LUC7L: variants seen among roughly 807,000 people sequenced by gnomAD.
LUC7L encodes putative RNA-binding protein Luc7-like 1.
Under a neutral mutation model 51.1 loss-of-function variants are expected in LUC7L, and 29 were observed. That is an observed-to-expected ratio of 0.57 (90% CI 0.42 to 0.77). The LOEUF is 0.77. LUC7L is among the 30% of genes least tolerant of loss of function. The probability of loss-of-function intolerance (pLI) is 0.00; values close to 1 mark genes in which losing one functional copy is unlikely to be tolerated. For synonymous variants in LUC7L, 181 were observed against 180.7 expected (o/e 1.00, Z -0.01); for missense variants, 403 against 511.9 (o/e 0.79, Z 2.05).
intron 3 of LUC7L, among the ~76,000 whole-genome samples, chr16:211,491 C>T (rs1330840896): frequency 6.6e-6 from 1 of 152,118 alleles, no homozygotes; most frequent in African/African-American, 2.4e-5. Context: ...GTAAACTTCA[C>T]AACAGAGAAC....
chr16:189,188 G>A lies in LUC7L; in HGVS notation c.*10C>T, dbSNP rs915219211. 5 of 1,610,782 alleles carry A rather than the reference G, an allele frequency of 3.1e-6. No individual in the cohort carries two copies. Among genetic ancestry groups the A allele is most frequent in the South Asian group, 2.2e-5 (2 of 90,730 alleles). On this transcript the variant is annotated 3_prime_UTR_variant, in exon 10 of 10. Coordinates refer to ENST00000293872, the MANE Select transcript of LUC7L (RefSeq NM_201412.3). ...TTTATCAGACTATTTACAGCACCCG[G>A]GAGACGGGTTCAGATCTCGCCGGCC...
chr16:201,388 A>G (rs1345799600), intron 5 of LUC7L, among the ~76,000 whole-genome samples: 1 of 152,046 alleles, frequency 6.6e-6, no homozygotes, highest in East Asian at 1.9e-4. Context: ...GATTATGTTG[A>G]GTAAAAAAAG....
chr16:208,592 T>C, intron 3 of LUC7L: 2 of 1,019,680 alleles, frequency 2.0e-6, no homozygotes, highest in Admixed American at 6.1e-5. Flanking sequence ...ATGCATATGA[T>C]GTACTCACTG....
chr16:207,835 C>T (rs987851844), intron 4 of LUC7L, among the ~76,000 whole-genome samples: 1 of 152,142 alleles, frequency 6.6e-6, no homozygotes, highest in African/African-American at 2.4e-5. Flanking sequence ...CGGTGAAACC[C>T]CGTCTCTACT....
chr16:215,023 G>T (rs1028406333), intron 3 of LUC7L, among the ~76,000 whole-genome samples: 1 of 152,142 alleles, frequency 6.6e-6, no homozygotes, highest in Non-Finnish European at 1.5e-5. Context: ...TGAGCTATGA[G>T]CACGCCACTG....
intron 2 of LUC7L, among the ~76,000 whole-genome samples, chr16:224,212 G>C (rs2050058251): frequency 6.6e-6 from 1 of 152,100 alleles, no homozygotes; most frequent in Non-Finnish European, 1.5e-5. Flanking sequence ...TGTCAAGAAA[G>C]ATATGACATT....
intron 1 of LUC7L, chr16:227,749 T>C: frequency 9.9e-7 from 1 of 1,008,898 alleles, no homozygotes; most frequent in Non-Finnish European, 1.2e-6. Context: ...TCTAATCTTT[T>C]TGTTATGAAC....
At chr16:229,115 C>T (rs953041614) in intron 1 of LUC7L, 164 bp downstream of exon 1, 4 of 1,402,588 alleles carry the variant, frequency 2.9e-6, no homozygotes, top group East Asian at 5.7e-5. Flanking sequence ...AGAGACGCAC[C>T]GGCTTAGACA....
At chr16:201,721 G>A (rs1344661418) in intron 5 of LUC7L, among the ~76,000 whole-genome samples, 2 of 145,844 alleles carry the variant, frequency 1.4e-5, no homozygotes, top group Non-Finnish European at 3.0e-5. Flanking sequence ...TTACAGGCGT[G>A]AGCCACCGCA....
In LUC7L at chr16:201,502, C is replaced by T. The variant is rs952265048; in HGVS notation, c.511-2264G>A. Among the ~76,000 whole-genome samples the T allele has an allele frequency of 4.0e-5, 6 of 151,510 alleles. No homozygotes were observed. In the East Asian group the frequency reaches 5.9e-4, roughly 15 times the overall value. Reference sequence around the variant, plus strand: ...TCGCCCAGCCTGGAATGCAGTGGCACGATCTCAGCTCACTACAAGCTCTGC... The same window carrying T: ...TCGCCCAGCCTGGAATGCAGTGGCATGATCTCAGCTCACTACAAGCTCTGC... On this transcript the variant is annotated intron_variant, in intron 5 of 9. Transcript: ENST00000293872.
chr16:189,887 G>T, intron 9 of LUC7L, 81 bp downstream of exon 9: 1 of 1,543,238 alleles, frequency 6.5e-7, no homozygotes, highest in South Asian at 1.2e-5. Context: ...ATCCCCACCA[G>T]ACACGGCCCT....
At position 192,998 on chromosome 16, in the gene LUC7L, C is replaced by T. The variant is rs2049050526; in HGVS notation, c.705G>A (p.Lys235=). 1.9e-6 allele frequency: 3 copies of T among 1,613,116 alleles called. No homozygotes were observed. Among genetic ancestry groups the T allele is most frequent in the South Asian group, 2.2e-5 (2 of 91,084 alleles). ...LDQLRKTVAE[K]QEKRNQDRLR... is the part of the protein sequence containing the mutation. ...AGCGATCCTGATTTCTCTTCTCCTG[C>T]TTTTCAGCGACAGTTTTCTAAATAA... The change falls in exon 7 of 10, where the codon AAG becomes AAA. Residue 235 remains lysine, a synonymous_variant. Transcript: ENST00000293872.
At chr16:220,270 C>T (rs78874471) in intron 3 of LUC7L, 1 of 157,980 alleles carries the variant, frequency 6.3e-6, no homozygotes, top group Non-Finnish European at 1.4e-5. Flanking sequence ...ATTCAAGCAG[C>T]AATGAAAACT....
chr16:226,924 T>C (rs999522831), intron 2 of LUC7L, among the ~76,000 whole-genome samples: 3 of 152,044 alleles, frequency 2.0e-5, no homozygotes, highest in Non-Finnish European at 2.9e-5. Context: ...GAGTGGAGGA[T>C]TGAGAAAGGA....
At chr16:203,680 C>T (rs541955338) in intron 5 of LUC7L, among the ~76,000 whole-genome samples, 1 of 145,072 alleles carries the variant, frequency 6.9e-6, no homozygotes, top group South Asian at 2.2e-4. Flanking sequence ...TGCACTCCAG[C>T]CTGGGTGAGA....
intron 3 of LUC7L, among the ~76,000 whole-genome samples, chr16:215,819 G>T (rs999989425): frequency 6.6e-6 from 1 of 151,674 alleles, no homozygotes; most frequent in Non-Finnish European, 1.5e-5. Flanking sequence ...AAAAAACATC[G>T]ACAGTGTCTT....
At chr16:228,817 C>T (rs2142131554) in intron 1 of LUC7L, 1 of 1,292,074 alleles carries the variant, frequency 7.7e-7, no homozygotes, top group South Asian at 1.2e-5. Flanking sequence ...TACGGTTCCC[C>T]TTGCAATGGT....
At chr16:199,271 G>A (rs117910937) in intron 5 of LUC7L, 33 bp from the exon 6 acceptor site, 31,206 of 1,492,354 alleles carry the variant, frequency 0.021, 402 homozygotes, top group Non-Finnish European at 0.025. Flanking sequence ...TAAAAGTGAG[G>A]TATATAGAAC....
intron 2 of LUC7L, among the ~76,000 whole-genome samples, chr16:226,473 C>G (rs1310928927): frequency 6.6e-6 from 1 of 152,146 alleles, no homozygotes; most frequent in Non-Finnish European, 1.5e-5. Flanking sequence ...TAGCGTTTAT[C>G]TGTTTTGTTC....
Sources: gnomAD v4.1 joint callset for allele counts (sites outside exome capture counted in the v4.1 genomes callset) on GRCh38, gnomAD v4.1.1 for gene constraint, MANE v1.5 for transcripts, NCBI Gene and HGNC (gene_info 2026-07-23, HGNC 2026-07-21) for gene names.